The following MARCHF8 variants were observed in gnomAD, a reference collection of about 807,000 sequenced individuals.
MARCHF8 encodes membrane associated ring-CH-type finger 8.
A neutral mutation model predicts 51.6 loss-of-function variants in MARCHF8; 40 were observed. The ratio of observed to expected loss-of-function variants is 0.77; its 90% CI spans 0.60 to 1.01. The LOEUF is 1.01. Ranked by LOEUF, MARCHF8 falls within the 50% of genes least tolerant of loss-of-function variation. The pLI, the probability that MARCHF8 is intolerant of heterozygous loss-of-function variation, is 0.00. For synonymous variants in MARCHF8, 263 were observed against 280.3 expected, an observed-to-expected ratio of 0.94 and a Z score of 0.62; for missense variants, 685 against 708.6, an observed-to-expected ratio of 0.97 and a Z score of 0.38.
chr10:45,497,376 A>G (rs2043192104), intron 2 of MARCHF8, among the ~76,000 whole-genome samples: 2 of 152,208 alleles, frequency 1.3e-5, no homozygotes, highest in South Asian at 4.1e-4. Context: ...CCTGCTTTCA[A>G]CAATGAACAG....
intron 1 of MARCHF8, among the ~76,000 whole-genome samples, chr10:45,562,184 T>C (rs900805166): frequency 6.6e-6 from 1 of 152,116 alleles, no homozygotes; most frequent in Non-Finnish European, 1.5e-5. Flanking sequence ...ATGACTAATT[T>C]AAGTCCTAGT....
intron 2 of MARCHF8, among the ~76,000 whole-genome samples, chr10:45,492,737 C>T (rs2043107145): frequency 1.3e-5 from 2 of 152,330 alleles, no homozygotes; most frequent in South Asian, 2.1e-4. Context: ...TATGCAACTA[C>T]TATGTGTGAA....
chr10:45,588,175 AAAG>A (rs902761070), intron 1 of MARCHF8, among the ~76,000 whole-genome samples: 3 of 152,148 alleles, frequency 2.0e-5, no homozygotes, highest in Admixed American at 6.5e-5. Context: ...AAAAAAAAAA[AAAG>A]AAAATCCTTA....
At chr10:45,590,898 G>A (rs564336482) in intron 1 of MARCHF8, among the ~76,000 whole-genome samples, 22 of 152,318 alleles carry the variant, frequency 1.4e-4, no homozygotes, top group Non-Finnish European at 2.9e-4. Flanking sequence ...ATGGCCTGAA[G>A]CAACTGAAGA....
At chr10:45,542,248 G>A (rs1313982690) in intron 1 of MARCHF8, among the ~76,000 whole-genome samples, 1 of 150,312 alleles carries the variant, frequency 6.7e-6, no homozygotes, top group Non-Finnish European at 1.5e-5. Context: ...TTGGTAGGCT[G>A]AGGCAGGAGA....
At chr10:45,506,513 C>A (rs1404061546) in intron 2 of MARCHF8, among the ~76,000 whole-genome samples, 6 of 152,194 alleles carry the variant, frequency 3.9e-5, no homozygotes, top group Non-Finnish European at 7.3e-5. Flanking sequence ...TGCAATATAT[C>A]AGCTTGAAGA....
intron 1 of MARCHF8, among the ~76,000 whole-genome samples, chr10:45,540,614 C>T (rs973358419): frequency 1.3e-5 from 2 of 152,144 alleles, no homozygotes; most frequent in African/African-American, 4.8e-5. Context: ...AAGAAACTAC[C>T]ATCAAAGTGA....
chr10:45,586,442 G>C (rs75024280), intron 1 of MARCHF8, among the ~76,000 whole-genome samples: 1 of 151,892 alleles, frequency 6.6e-6, no homozygotes. Flanking sequence ...TACTCTTTCC[G>C]GTGTTAAGCA....
chr10:45,485,632 C>A (rs1433109607), intron 3 of MARCHF8, among the ~76,000 whole-genome samples: 2 of 152,158 alleles, frequency 1.3e-5, no homozygotes, highest in African/African-American at 2.4e-5. Context: ...CCAATACACA[C>A]TGAGACACTT....
chr10:45,463,459 C>T lies in MARCHF8; in HGVS notation c.780G>A (p.Gln260=). The T allele has an allele frequency of 6.4e-7, 1 of 1,550,654 alleles. No individual in the cohort carries two copies. Among genetic ancestry groups the T allele is most frequent in the South Asian group, 1.2e-5 (1 of 84,068 alleles). ...AGCCGTGCGAGAGTGAGAACAGGTA[C>T]TGGAGCAGTTGCCGGCTTCGGGACG... The part of the protein sequence containing the change: ...EATSRSRQLL[Q]YLFSLSHGLS... The change falls in exon 5 of 8, where the codon CAG becomes CAA. Residue 260 remains glutamine (Q), a synonymous_variant. Transcript: ENST00000453424.
intron 2 of MARCHF8, among the ~76,000 whole-genome samples, chr10:45,529,057 TG>T (rs2043836606): frequency 6.6e-6 from 1 of 152,234 alleles, no homozygotes; most frequent in Non-Finnish European, 1.5e-5. Context: ...TCAAATTACT[TG>T]ACTTCAAATT....
chr10:45,580,753 T>C (rs190326835), intron 1 of MARCHF8, among the ~76,000 whole-genome samples: 2 of 152,286 alleles, frequency 1.3e-5, no homozygotes, highest in Admixed American at 1.3e-4. Flanking sequence ...CTTGAGACAA[T>C]ATAAAGATAC....
intron 2 of MARCHF8, among the ~76,000 whole-genome samples, chr10:45,523,172 T>A (rs1201055260): frequency 6.6e-6 from 1 of 152,216 alleles, no homozygotes; most frequent in Non-Finnish European, 1.5e-5. Flanking sequence ...TCAAAAGCCA[T>A]TAACAACGAT....
intron 1 of MARCHF8, among the ~76,000 whole-genome samples, chr10:45,564,876 T>G (rs1357916751): frequency 6.8e-6 from 1 of 147,294 alleles, no homozygotes; most frequent in South Asian, 2.1e-4. Context: ...GAACTCCACA[T>G]GCAGCAAAAA....
intron 2 of MARCHF8, among the ~76,000 whole-genome samples, chr10:45,491,766 C>T (rs2043084325): frequency 6.6e-6 from 1 of 152,196 alleles, no homozygotes; most frequent in Non-Finnish European, 1.5e-5. Context: ...GTGTAGTCTA[C>T]TAAGTTCAAA....
intron 1 of MARCHF8, among the ~76,000 whole-genome samples, chr10:45,571,406 T>C (rs1019639070): frequency 6.6e-6 from 1 of 152,126 alleles, no homozygotes; most frequent in African/African-American, 2.4e-5. Flanking sequence ...CAACCCCCTT[T>C]AACTGTAATT....
chr10:45,524,782 T>C (rs910107318), intron 2 of MARCHF8, among the ~76,000 whole-genome samples: 3 of 152,136 alleles, frequency 2.0e-5, no homozygotes, highest in Non-Finnish European at 4.4e-5. Flanking sequence ...TTTGGTCTTA[T>C]ACTGTATCTC....
intron 1 of MARCHF8, among the ~76,000 whole-genome samples, chr10:45,564,759 G>A (rs560809026): frequency 1.5e-4 from 23 of 150,462 alleles, no homozygotes; most frequent in Admixed American, 2.0e-4. Context: ...CAACAACGAC[G>A]ACAATAACAG....
At chr10:45,515,805 G>A (rs577574619) in intron 2 of MARCHF8, among the ~76,000 whole-genome samples, 39 of 152,322 alleles carry the variant, frequency 2.6e-4, no homozygotes, top group Non-Finnish European at 4.0e-4. Context: ...AGCTGATGCC[G>A]CATTCAAGCA....
Sources: allele counts gnomAD v4.1 joint callset (sites outside exome capture counted in the v4.1 genomes callset), GRCh38; gene constraint gnomAD v4.1.1; transcripts MANE v1.5; gene names NCBI Gene and HGNC (gene_info 2026-07-23, HGNC 2026-07-21).